TJP1: variants seen among roughly 807,000 people sequenced by gnomAD.
TJP1 encodes the protein tight junction protein 1.
A neutral mutation model predicts 194.2 loss-of-function variants in TJP1; 43 were observed. The ratio of observed to expected loss-of-function variants is 0.22; its 90% CI spans 0.17 to 0.29. TJP1 has a LOEUF of 0.29. TJP1 is among the 10% of genes least tolerant of loss of function. TJP1 has a pLI of 1.00. For synonymous variants in TJP1, 801 were observed against 779.0 expected (o/e 1.03, Z -0.47); for missense variants, 1,971 against 2,185.7 (o/e 0.90, Z 1.96).
intron 23 of TJP1, among the ~76,000 whole-genome samples, chr15:29,711,908 C>T (rs542613385): frequency 1.3e-5 from 2 of 152,312 alleles, no homozygotes; most frequent in Admixed American, 1.3e-4. Flanking sequence ...GGAGCTTTTA[C>T]TTTAAAATTT....
intron 2 of TJP1, among the ~76,000 whole-genome samples, chr15:29,922,168 C>A (rs149346426): frequency 8.5e-5 from 13 of 152,150 alleles, no homozygotes; most frequent in African/African-American, 3.1e-4. Flanking sequence ...ATTCTTTGCT[C>A]AAGTATTTTA....
chr15:29,919,876 G>A (rs1046670193), intron 2 of TJP1, among the ~76,000 whole-genome samples: 1 of 120,080 alleles, frequency 8.3e-6, no homozygotes, highest in Non-Finnish European at 1.7e-5. Flanking sequence ...GGCCCTATTG[G>A]GCCAGTCCTC....
intron 2 of TJP1, among the ~76,000 whole-genome samples, chr15:29,887,375 A>C (rs2053153799): frequency 6.6e-6 from 1 of 151,660 alleles, no homozygotes; most frequent in South Asian, 2.1e-4. Context: ...ATCTCGGCTC[A>C]CTGCAACCTC....
At chr15:29,707,493 G>A (rs531693671) in intron 25 of TJP1, among the ~76,000 whole-genome samples, 14 of 152,278 alleles carry the variant, frequency 9.2e-5, no homozygotes, top group African/African-American at 2.2e-4. Context: ...GGCAGTGACC[G>A]CCATAACCAT....
intron 2 of TJP1, among the ~76,000 whole-genome samples, chr15:29,932,717 A>G (rs763892863): frequency 6.6e-5 from 10 of 152,132 alleles, no homozygotes; most frequent in Non-Finnish European, 1.3e-4. Context: ...AAGGACTAAT[A>G]ACAGAATACA....
intron 2 of TJP1, among the ~76,000 whole-genome samples, chr15:29,914,684 C>A (rs76737215): frequency 1.3e-5 from 2 of 152,008 alleles, no homozygotes; most frequent in African/African-American, 2.4e-5. Flanking sequence ...GACAGACCTC[C>A]GGGGAGAGTA....
upstream of TJP1, among the ~76,000 whole-genome samples, chr15:29,826,164 CAT>C (rs2050669147): frequency 1.5e-5 from 2 of 135,634 alleles, no homozygotes; most frequent in Non-Finnish European, 3.2e-5. Context: ...AAAAAGAAGA[CAT>C]AAACACTAAA....
Position 29,766,585 on chromosome 15 carries a change from T to C in TJP1, c.313-43A>G, listed in dbSNP as rs758778083. ...TAAAAAATAAGTTGACTGATTTTCA[T>C]ATATGTACGTTCAGTTCCAAAGAGA... is the stretch of plus-strand genomic sequence containing the variant. On this transcript the variant is annotated intron_variant, in intron 4 of 27. Coordinates refer to ENST00000614355, the MANE Select transcript of TJP1 (RefSeq NM_001330239.4). The C allele has an allele frequency of 3.0e-5, 45 of 1,510,636 alleles. No individual in the cohort carries two copies. In the South Asian group the frequency reaches 4.5e-4, roughly 15 times the overall value. The allele number at this position is 1,510,636 out of a possible 1,614,324, so 93.6% of individuals were successfully genotyped here.
At chr15:29,733,782 A>C (rs1348937560) in intron 12 of TJP1, among the ~76,000 whole-genome samples, 2 of 152,186 alleles carry the variant, frequency 1.3e-5, no homozygotes, top group Non-Finnish European at 2.9e-5. Flanking sequence ...CTAAACATCC[A>C]CAATACACAG....
intron 1 of TJP1, among the ~76,000 whole-genome samples, chr15:29,817,241 T>C (rs2049990027): frequency 6.6e-6 from 1 of 152,180 alleles, no homozygotes; most frequent in African/African-American, 2.4e-5. Flanking sequence ...ATGCTCATCA[T>C]CACCGATCAT....
At chr15:29,864,896 C>T (rs1425022541) in intron 2 of TJP1, among the ~76,000 whole-genome samples, 1 of 152,008 alleles carries the variant, frequency 6.6e-6, no homozygotes, top group African/African-American at 2.4e-5. Flanking sequence ...TTATAAAGAC[C>T]TATATTCTGT....
intron 4 of TJP1, among the ~76,000 whole-genome samples, chr15:29,771,135 C>CT (rs1333066519): frequency 6.6e-6 from 1 of 152,176 alleles, no homozygotes; most frequent in Non-Finnish European, 1.5e-5. Context: ...TGTTTTACAG[C>CT]TGCCTACAGT....
At position 29,961,134 on chromosome 15, in the gene TJP1, A is replaced by G. The variant is rs537438448; in HGVS notation, c.174-4770T>C. ...TCCACCAAGGACAGTTCCATTTGAC[A>G]TGGAATATAAATTCTTTTAATCCCC... On this transcript the variant is annotated intron_variant, in intron 1 of 28. Coordinates refer to the TJP1 transcript ENST00000356107. Among the ~76,000 whole-genome samples, 44 of 152,240 alleles carry G rather than the reference A, an allele frequency of 2.9e-4. 1 individual carries two copies. The highest frequency in any genetic ancestry group is 9.6e-4 in the African/African-American group (40 of 41,556).
chr15:29,820,902 A>C (rs577899262), intron 1 of TJP1, among the ~76,000 whole-genome samples: 2 of 152,354 alleles, frequency 1.3e-5, no homozygotes, highest in East Asian at 3.9e-4. Context: ...CCCAGCCAGC[A>C]AACAAGCTTC....
intron 18 of TJP1, among the ~76,000 whole-genome samples, chr15:29,725,808 G>A (rs569894845): frequency 1.4e-4 from 21 of 152,330 alleles, no homozygotes; most frequent in African/African-American, 4.8e-4. Flanking sequence ...GTTAACAGGT[G>A]TTGAGTGAAA....
At chr15:29,898,032 G>T (rs2053529679) in intron 2 of TJP1, among the ~76,000 whole-genome samples, 1 of 152,170 alleles carries the variant, frequency 6.6e-6, no homozygotes, top group Non-Finnish European at 1.5e-5. Flanking sequence ...GATTGGTTTT[G>T]AAATGTAAGG....
chr15:29,887,688 CAT>C (rs887179293), intron 2 of TJP1, among the ~76,000 whole-genome samples: 4 of 152,128 alleles, frequency 2.6e-5, no homozygotes, highest in Admixed American at 6.6e-5. Context: ...AACAGAGTAA[CAT>C]ATTTTATCAT....
intron 2 of TJP1, among the ~76,000 whole-genome samples, chr15:29,877,775 C>T (rs1326052595): frequency 1.3e-5 from 2 of 151,874 alleles, no homozygotes; most frequent in Non-Finnish European, 2.9e-5. Context: ...TCTCTTGCCT[C>T]AGTCTCCCGA....
chr15:29,719,794 GCGA>G lies in TJP1; in HGVS notation c.2983_2985del (p.Ser995del), dbSNP rs781271364. The G allele has an allele frequency of 6.2e-7, 1 of 1,613,866 alleles. No individual in the cohort carries two copies. Among genetic ancestry groups the G allele is most frequent in the South Asian group, 1.1e-5 (1 of 90,994 alleles). Reference sequence around the variant, plus strand: ...ACAGGTACCTTTGTTGGATCTACATGCGACGACAATGATGGTTCTTGATCTCTT... The same window carrying G: ...ACAGGTACCTTTGTTGGATCTACATGCGACAATGATGGTTCTTGATCTCTT... On this transcript the variant is annotated inframe_deletion, in exon 20 of 28. Transcript: ENST00000614355.
Sources: gnomAD v4.1 joint callset for allele counts (sites outside exome capture counted in the v4.1 genomes callset) on GRCh38, gnomAD v4.1.1 for gene constraint, MANE v1.5 for transcripts, NCBI Gene and HGNC (gene_info 2026-07-23, HGNC 2026-07-21) for gene names.